Variants in RBM7 observed in about 807,000 individuals in gnomAD.
RBM7 encodes RNA-binding protein 7.
RBM7 carries 13 observed loss-of-function variants against 31.0 expected under a neutral mutation model. That is an observed-to-expected ratio of 0.42 (90% CI 0.27 to 0.67). RBM7 has a LOEUF of 0.67. Among genes scored for constraint, RBM7 ranks in the 30% least tolerant of loss-of-function variants. The probability of loss-of-function intolerance (pLI) is 0.24; values close to 1 mark genes in which losing one functional copy is unlikely to be tolerated. For missense variants in RBM7, 245 were observed against 326.2 expected, an observed-to-expected ratio of 0.75 and a Z score of 1.92; for synonymous variants, 106 against 111.2, an observed-to-expected ratio of 0.95 and a Z score of 0.30.
Position 114,409,372 on chromosome 11 carries a change from T to TTTTG in RBM7, c.*1569_*1572dup, listed in dbSNP as rs58001251. 57,461 of 151,112 alleles carry TTTTG rather than the reference T, an allele frequency of 0.38. 11,139 individuals carry two copies. The highest frequency in any genetic ancestry group is 0.5 in the South Asian group (2,401 of 4,762). 9.4% of individuals were successfully genotyped at this position (151,112 alleles called of 1,614,324 possible). Reference sequence around the variant, plus strand: ...ACGAAGATTAATACTGCATGTTTGTTTTTGTTTTTTTTTTGAGACAGAGTC... The same window carrying TTTTG: ...ACGAAGATTAATACTGCATGTTTGTTTTTGTTTGTTTTTTTTTTGAGACAGAGTC... On this transcript the variant is annotated 3_prime_UTR_variant, in exon 5 of 5. Coordinates refer to ENST00000375490, the MANE Select transcript of RBM7 (RefSeq NM_001286045.2).
rs146371419 is a variant in RBM7, at chr11:114,405,344, G to A, written c.348-362G>A. On this transcript the variant is annotated intron_variant, in intron 3 of 4. Transcript: ENST00000375490. Reference sequence around the variant, plus strand: ...TAGGGAAAACTGAATTTGGCAGTTTGGCCCACTGGCTATACTTGCTCACCC... The same window carrying A: ...TAGGGAAAACTGAATTTGGCAGTTTAGCCCACTGGCTATACTTGCTCACCC... Among the ~76,000 whole-genome samples the A allele has an allele frequency of 6.5e-3, 984 of 152,278 alleles. 6 individuals are homozygous for A. Among genetic ancestry groups the A allele is most frequent in the South Asian group, 0.027 (128 of 4,824 alleles).
At chr11:114,405,249 A>G (rs1013449201) in intron 3 of RBM7, among the ~76,000 whole-genome samples, 8 of 152,246 alleles carry the variant, frequency 5.3e-5, no homozygotes, top group South Asian at 4.1e-4. Context: ...TGTCTCTGCC[A>G]TTGTAGCACT....
At position 114,400,799 on chromosome 11, in the gene RBM7, G is replaced by T. The variant is rs1392736628; in HGVS notation, c.96+32G>T. The T allele has an allele frequency of 5.0e-6, 8 of 1,613,088 alleles. No individual in the cohort carries two copies. The South Asian group carries it at 8.8e-5, about 18-fold the overall frequency. ...GGCTGGGTTCGGCCCTTTGCCTTTC[G>T]TTTTCCGTCTCGCCTAGGGCCTGGC... is the stretch of plus-strand genomic sequence containing the variant. On this transcript the variant is annotated intron_variant, in intron 1 of 4. Transcript: ENST00000375490.
rs1464188874 is a variant in RBM7 at position 114,410,478 on chromosome 11, A to G, written c.*2671A>G. 1 of 152,158 alleles carries G rather than the reference A, an allele frequency of 6.6e-6. No homozygotes were observed. The highest frequency in any genetic ancestry group is 1.5e-5 in the Non-Finnish European group (1 of 68,004). 9.4% of individuals were successfully genotyped at this position (152,158 alleles called of 1,614,324 possible). A position where few individuals can be genotyped will look rare whatever the true frequency, so the allele number is the denominator to read the frequency against. Reference sequence around the variant, plus strand: ...CATCTTAGAGTAGGCAATTTTCTCAAGAGGATTATTCCAAGAACACCCTAA... The same window carrying G: ...CATCTTAGAGTAGGCAATTTTCTCAGGAGGATTATTCCAAGAACACCCTAA... On this transcript the variant is annotated 3_prime_UTR_variant, in exon 5 of 5. Transcript: ENST00000375490.
chr11:114,403,012 T>G, intron 3 of RBM7, 97 bp downstream of exon 3: 60 of 1,047,148 alleles, frequency 5.7e-5, no homozygotes, highest in East Asian at 1.7e-4. Flanking sequence ...CATTATTCTC[T>G]TATCTCTTCA....
intron 3 of RBM7, among the ~76,000 whole-genome samples, chr11:114,405,480 AGGGGAACC>A (rs1294116131): frequency 1.3e-5 from 2 of 152,210 alleles, no homozygotes; most frequent in Non-Finnish European, 2.9e-5. Flanking sequence ...GCTAAAAGAT[AGGGGAACC>A]TCCTATCTGT....
chr11:114,405,015 C>A (rs1174586783), intron 3 of RBM7, among the ~76,000 whole-genome samples: 1 of 151,654 alleles, frequency 6.6e-6, no homozygotes, highest in East Asian at 1.9e-4. Flanking sequence ...CCTTACCTCC[C>A]AAAACCTCTT....
At chr11:114,406,358 G>C (rs1770076304) in intron 4 of RBM7, 1 of 152,072 alleles carries the variant, frequency 6.6e-6, no homozygotes. Context: ...GTATTTCATA[G>C]GTCTGCAAAA....
chr11:114,402,842 C>A lies in RBM7; in HGVS notation c.274C>A (p.Pro92Thr), dbSNP rs1946222712. ...IQFRSGSSHA[P>T]QDVSLSYPQH... ...TTTCATTTTAGGAAGTAGTCATGCC[C>A]CACAAGATGTCAGTTTGTCATATCC... Residue 92 changes from proline (P) to threonine (T), a missense_variant, in exon 3 of 5, where the codon CCA becomes ACA. By Grantham distance (38) the Pro-to-Thr change is conservative (BLOSUM62 -1). Coordinates refer to ENST00000375490, the MANE Select transcript of RBM7 (RefSeq NM_001286045.2). 2.2e-5 allele frequency: 35 copies of A among 1,612,502 alleles called. No homozygotes were observed. Among genetic ancestry groups the A allele is most frequent in the Non-Finnish European group, 2.9e-5 (34 of 1,178,816 alleles).
At position 114,407,698 on chromosome 11, in the gene RBM7, A is replaced by G. The variant is rs1466838369; in HGVS notation, c.695A>G (p.Lys232Arg). The G allele has an allele frequency of 2.5e-6, 4 of 1,614,092 alleles. No homozygotes were observed. The change falls in exon 5 of 5, where the codon AAG becomes AGG. Residue 232 changes from lysine to arginine, a missense_variant. By Grantham distance (26) the Lys-to-Arg change is conservative (BLOSUM62 2). Coordinates refer to ENST00000375490, the MANE Select transcript of RBM7 (RefSeq NM_001286045.2). The stretch of plus-strand genomic sequence containing the variant: ...GGGTCTGACCATCATTACAGAGGAA[A>G]GAGAGATGATTTCTTCTATGAAGAC... ...DHGSDHHYRG[K>R]RDDFFYEDRN...
chr11:114,402,593 T>C (rs888022952), intron 2 of RBM7, among the ~76,000 whole-genome samples: 3 of 151,450 alleles, frequency 2.0e-5, no homozygotes, highest in Admixed American at 2.0e-4. Context: ...TTAGTAGAGG[T>C]GGGGTTTCAC....
In RBM7 at chr11:114,407,931, T is replaced by TA. The variant is rs1253525432; in HGVS notation, c.*124_*125insA. ...ACAAGTTGTCACATTTCTTTATAAA[T>TA]TTTTTTAAAGCTACAGTTTAATACA... On this transcript the variant is annotated 3_prime_UTR_variant, in exon 5 of 5. Transcript: ENST00000375490. 1.7e-6 allele frequency: 2 copies of TA among 1,188,718 alleles called. No homozygotes were observed. Among genetic ancestry groups the TA allele is most frequent in the Non-Finnish European group, 2.3e-6 (2 of 884,550 alleles). The allele number at this position is 1,188,718 out of a possible 1,614,324, so 73.6% of individuals were successfully genotyped here.
In RBM7 at chr11:114,410,541, T is replaced by C. The variant is rs1946323534; in HGVS notation, c.*2734T>C. On this transcript the variant is annotated 3_prime_UTR_variant, in exon 5 of 5. Transcript: ENST00000375490. The stretch of plus-strand genomic sequence containing the variant: ...TCCAGTCTTCTTTCCTCAAATTTAT[T>C]CCACACTCTTAAGAATTGAAGATGT... 1 of 152,220 alleles carries C rather than the reference T, an allele frequency of 6.6e-6. No individual in the cohort carries two copies. The highest frequency in any genetic ancestry group is 2.1e-4 in the South Asian group (1 of 4,832). 9.4% of individuals were successfully genotyped at this position (152,220 alleles called of 1,614,324 possible).
chr11:114,404,394 C>T (rs746776434), intron 3 of RBM7, among the ~76,000 whole-genome samples: 5 of 152,144 alleles, frequency 3.3e-5, no homozygotes, highest in African/African-American at 7.2e-5. Flanking sequence ...TGTACCCTCC[C>T]GGTGTTCTTT....
chr11:114,405,792 A>G lies in RBM7; in HGVS notation c.434A>G (p.Gln145Arg), dbSNP rs763627981. Residue 145 changes from glutamine to arginine, a missense_variant, in exon 4 of 5, where the codon CAA becomes CGA. Gln to Arg is a conservative substitution (Grantham distance 43). Coordinates refer to ENST00000375490, the MANE Select transcript of RBM7 (RefSeq NM_001286045.2). Reference protein sequence around the residue: ...SFSSPENFQRQAVMNSALRQM... With the variant: ...SFSSPENFQRRAVMNSALRQM... ...TCTTCTCCAGAAAATTTTCAGAGACAAGCAGTGGTAGGTTGACTATTTTTC... is the reference window on the plus strand; with the variant it reads ...TCTTCTCCAGAAAATTTTCAGAGACGAGCAGTGGTAGGTTGACTATTTTTC... 16 of 1,589,780 alleles carry G rather than the reference A, an allele frequency of 1.0e-5. No individual in the cohort carries two copies. The highest frequency in any genetic ancestry group is 1.7e-4 in the Middle Eastern group (1 of 6,012).
At chr11:114,404,308 C>G (rs1412194070) in intron 3 of RBM7, among the ~76,000 whole-genome samples, 1 of 152,014 alleles carries the variant, frequency 6.6e-6, no homozygotes, top group Admixed American at 6.6e-5. Flanking sequence ...AAGGTGGTGC[C>G]ATGAGCTGGA....
At chr11:114,402,396 T>C (rs1946216350) in intron 2 of RBM7, among the ~76,000 whole-genome samples, 1 of 78,566 alleles carries the variant, frequency 1.3e-5, no homozygotes, top group Non-Finnish European at 2.3e-5. Flanking sequence ...TTTTTTTTTT[T>C]TTTTTTTTTT....
intron 3 of RBM7, among the ~76,000 whole-genome samples, chr11:114,403,328 A>T (rs1276349975): frequency 2.0e-5 from 3 of 152,240 alleles, no homozygotes; most frequent in African/African-American, 7.2e-5. Flanking sequence ...GAAAAATACC[A>T]GTTAGTCAAC....
chr11:114,402,478 A>C (rs888550582), intron 2 of RBM7, among the ~76,000 whole-genome samples: 3 of 126,114 alleles, frequency 2.4e-5, no homozygotes, highest in Non-Finnish European at 4.6e-5. Context: ...ATTTCAGCTC[A>C]CTGCAACCTC....
Sources: gnomAD v4.1 joint callset for allele counts (sites outside exome capture counted in the v4.1 genomes callset) on GRCh38, gnomAD v4.1.1 for gene constraint, MANE v1.5 for transcripts, NCBI Gene and HGNC (gene_info 2026-07-23, HGNC 2026-07-21) for gene names.